The following INTS2 variants were observed in gnomAD, a reference collection of about 807,000 sequenced individuals.
The protein encoded by INTS2 is integrator complex subunit 2.
Under a neutral mutation model 139.6 loss-of-function variants are expected in INTS2, and 57 were observed. The ratio of observed to expected loss-of-function variants is 0.41; its 90% CI spans 0.33 to 0.51. The LOEUF (loss-of-function observed/expected upper bound fraction) is 0.51, where lower values mean the gene tolerates loss of function less well. Among genes scored for constraint, INTS2 ranks in the 20% least tolerant of loss-of-function variants. The pLI is 0.28. For missense variants in INTS2, 1,196 were observed against 1,436.7 expected (o/e 0.83, Z 2.71); for synonymous variants, 473 against 493.4 (o/e 0.96, Z 0.55).
intron 7 of INTS2, 27 bp downstream of exon 7, chr17:61,911,493 T>C (rs377325812): frequency 6.3e-7 from 1 of 1,599,776 alleles, no homozygotes; most frequent in Admixed American, 1.7e-5. Context: ...TTCTGATCCT[T>C]AGCCTATACA....
chr17:61,881,020 T>C lies in INTS2; in HGVS notation c.2241A>G (p.Lys747=). The change falls in exon 17 of 25, where the codon AAA becomes AAG. Residue 747 remains lysine (K), a synonymous_variant. Transcript: ENST00000251334. ...AATTTACTATACCTTCTTGGAGTTGTTTGGGAGAATGATTTTTAGCATTAT... is the reference window on the plus strand; with the variant it reads ...AATTTACTATACCTTCTTGGAGTTGCTTGGGAGAATGATTTTTAGCATTAT... The part of the protein sequence containing the change: ...LTNNAKNHSP[K]QLQEAFSAVP... The C allele has an allele frequency of 6.2e-7, 1 of 1,613,578 alleles. No homozygotes were observed. The highest frequency in any genetic ancestry group is 8.5e-7 in the Non-Finnish European group (1 of 1,179,572).
chr17:61,883,491 C>T (rs2079196153), intron 16 of INTS2, among the ~76,000 whole-genome samples: 2 of 152,138 alleles, frequency 1.3e-5, no homozygotes, highest in South Asian at 2.1e-4. Context: ...CAGTGGCTCA[C>T]GCCTGTAATC....
chr17:61,912,118 A>G (rs2079532678), intron 5 of INTS2, 48 bp from the exon 6 acceptor site: 3 of 1,588,370 alleles, frequency 1.9e-6, no homozygotes, highest in African/African-American at 1.4e-5. Flanking sequence ...TTAATTGTTC[A>G]TGAAGATTTC....
chr17:61,879,948 G>C (rs1177149058), intron 17 of INTS2, among the ~76,000 whole-genome samples: 2 of 152,174 alleles, frequency 1.3e-5, no homozygotes, highest in Non-Finnish European at 2.9e-5. Context: ...AGGTGTTACA[G>C]CTCACATTAT....
At position 61,866,068 on chromosome 17, in the gene INTS2, C is replaced by T. The variant is rs1226924950; in HGVS notation, c.*1489G>A. 1 of 152,116 alleles carries T rather than the reference C, an allele frequency of 6.6e-6. No homozygotes were observed. Among genetic ancestry groups the T allele is most frequent in the Non-Finnish European group, 1.5e-5 (1 of 68,010 alleles). 9.4% of individuals were successfully genotyped at this position (152,116 alleles called of 1,614,324 possible). On this transcript the variant is annotated 3_prime_UTR_variant, in exon 25 of 25. Transcript: ENST00000251334. ...CTTCTTATTAGCCTAATTTCTTTTACAAGTGAAGCGGTCTGGCCAGGTGCG... is the reference window on the plus strand; with the variant it reads ...CTTCTTATTAGCCTAATTTCTTTTATAAGTGAAGCGGTCTGGCCAGGTGCG...
chr17:61,894,470 A>G (rs1178388044), intron 12 of INTS2, among the ~76,000 whole-genome samples: 1 of 152,228 alleles, frequency 6.6e-6, no homozygotes, highest in African/African-American at 2.4e-5. Flanking sequence ...CTGTGTGACT[A>G]CTTGTAATTC....
chr17:61,903,538 T>C (rs2079430274), intron 9 of INTS2, among the ~76,000 whole-genome samples: 1 of 151,994 alleles, frequency 6.6e-6, no homozygotes, highest in South Asian at 2.1e-4. Flanking sequence ...ACTCACAGAC[T>C]GTCTAATGAG....
At chr17:61,927,406 T>G (rs960526120) in intron 1 of INTS2, 2 of 162,190 alleles carry the variant, frequency 1.2e-5, no homozygotes, top group African/African-American at 4.8e-5. Context: ...CAGTCCCCTC[T>G]CAAGGCCGAC....
At chr17:61,892,265 C>T (rs1307479157) in intron 13 of INTS2, among the ~76,000 whole-genome samples, 2 of 152,132 alleles carry the variant, frequency 1.3e-5, no homozygotes, top group Admixed American at 6.5e-5. Context: ...AAACAAGCAA[C>T]AATTAAAAAG....
chr17:61,891,743 G>C (rs547418348), intron 13 of INTS2, 54 bp from the exon 14 acceptor site: 1 of 1,301,466 alleles, frequency 7.7e-7, no homozygotes, highest in Admixed American at 2.5e-5. Flanking sequence ...GAAAAACCAA[G>C]CAAAATTATA....
chr17:61,894,014 A>T lies in INTS2; in HGVS notation c.1564-115T>A, dbSNP rs573618406. Reference sequence around the variant, plus strand: ...AATACAAGTGTGGTCCCTAGAAATGAATGATGAAAATAAATTATTACATGT... The same window carrying T: ...AATACAAGTGTGGTCCCTAGAAATGTATGATGAAAATAAATTATTACATGT... On this transcript the variant is annotated intron_variant, in intron 12 of 24. Transcript: ENST00000251334. The T allele has an allele frequency of 4.3e-5, 23 of 538,898 alleles. No individual in the cohort carries two copies. The African/African-American group carries it at 4.5e-4, about 10-fold the overall frequency. 33.4% of individuals were successfully genotyped at this position (538,898 alleles called of 1,614,324 possible). A position where few individuals can be genotyped will look rare whatever the true frequency, so the allele number is the denominator to read the frequency against.
intron 5 of INTS2, among the ~76,000 whole-genome samples, chr17:61,915,441 G>A (rs930617210): frequency 8.6e-5 from 13 of 151,464 alleles, no homozygotes; most frequent in East Asian, 5.8e-4. Flanking sequence ...CAGGAGAATC[G>A]CTTAAACCCA....
At chr17:61,916,547 G>A (rs1048354414) in intron 5 of INTS2, among the ~76,000 whole-genome samples, 5 of 152,090 alleles carry the variant, frequency 3.3e-5, no homozygotes, top group East Asian at 1.9e-4. Flanking sequence ...TAAATGACAG[G>A]GAAAGGACTC....
At chr17:61,880,976 G>T (rs777356411) in intron 17 of INTS2, 31 bp downstream of exon 17, 52 of 1,546,988 alleles carry the variant, frequency 3.4e-5, no homozygotes, top group Non-Finnish European at 4.4e-5. Flanking sequence ...ACTACAAAAG[G>T]GGTTAAAGGA....
rs1184756366 is a variant in INTS2, at chr17:61,878,714, G to A, written c.2255-626C>T. On this transcript the variant is annotated intron_variant, in intron 17 of 24. Coordinates refer to ENST00000251334, the MANE Select transcript of INTS2 (RefSeq NM_001351695.2). ...CTCAGCACTTTGGGAGGCTGAGGTA[G>A]GAGGATTGCATGAGTCCAGAAGTTC... Among the ~76,000 whole-genome samples, 9 of 152,166 alleles carry A rather than the reference G, an allele frequency of 5.9e-5. No homozygotes were observed. The South Asian group carries it at 1.0e-3, about 18-fold the overall frequency.
chr17:61,918,855 A>G (rs1567918328), intron 5 of INTS2, among the ~76,000 whole-genome samples: 1 of 151,374 alleles, frequency 6.6e-6, no homozygotes, highest in Non-Finnish European at 1.5e-5. Flanking sequence ...TGCTCTCTTG[A>G]TATTTCACTG....
chr17:61,884,966 AAAG>A lies in INTS2; in HGVS notation c.2021_2023del (p.Ser674del), dbSNP rs1468463989. ...GAATTTGATAGGAATCTGATCCATT[AAAG>A]AAGAAGAATATGATTTGGGCTTTCT... is the stretch of plus-strand genomic sequence containing the variant. On this transcript the variant is annotated inframe_deletion, in exon 16 of 25. Transcript: ENST00000251334. The A allele has an allele frequency of 6.2e-7, 1 of 1,607,106 alleles. No homozygotes were observed. The highest frequency in any genetic ancestry group is 8.5e-7 in the Non-Finnish European group (1 of 1,176,324).
intron 17 of INTS2, among the ~76,000 whole-genome samples, 169 bp downstream of exon 17, chr17:61,880,838 G>A (rs2145912532): frequency 6.6e-6 from 1 of 151,880 alleles, no homozygotes; most frequent in African/African-American, 2.4e-5. Flanking sequence ...GGGAGGGGAA[G>A]GGAGCATAAA....
rs113958700 is a variant in INTS2, at chr17:61,924,121, T to C, written c.432+840A>G. 6.4e-4 allele frequency among the ~76,000 whole-genome samples: 97 copies of C among 152,332 alleles called. 3 individuals carry two copies. Among genetic ancestry groups the C allele is most frequent in the African/African-American group, 2.2e-3 (91 of 41,570 alleles). Reference sequence around the variant, plus strand: ...AAGAAGCACTTTGGTCATTTAGTGATTGAGACTAGCCAATCATCCTACATT... The same window carrying C: ...AAGAAGCACTTTGGTCATTTAGTGACTGAGACTAGCCAATCATCCTACATT... On this transcript the variant is annotated intron_variant, in intron 3 of 24. Coordinates refer to ENST00000251334, the MANE Select transcript of INTS2 (RefSeq NM_001351695.2).
Sources: gnomAD v4.1 joint callset for allele counts (sites outside exome capture counted in the v4.1 genomes callset) on GRCh38, gnomAD v4.1.1 for gene constraint, MANE v1.5 for transcripts, NCBI Gene and HGNC (gene_info 2026-07-23, HGNC 2026-07-21) for gene names.